The following ARID4B variants were observed in gnomAD, a reference collection of about 807,000 sequenced individuals.
ARID4B encodes the protein AT-rich interactive domain-containing protein 4B.
A neutral mutation model predicts 147.5 loss-of-function variants in ARID4B; 26 were observed. The observed-to-expected ratio is 0.18, with a 90% CI of 0.13 to 0.24. ARID4B has a LOEUF of 0.24. Among genes scored for constraint, ARID4B ranks in the 10% least tolerant of loss-of-function variants. The pLI is 1.00. For synonymous variants in ARID4B, 512 were observed against 507.9 expected, an observed-to-expected ratio of 1.01 and a Z score of -0.11; for missense variants, 1,179 against 1,511.5, an observed-to-expected ratio of 0.78 and a Z score of 3.65.
intron 19 of ARID4B, among the ~76,000 whole-genome samples, chr1:235,193,299 A>C (rs148230354): frequency 6.6e-6 from 1 of 152,116 alleles, no homozygotes; most frequent in East Asian, 1.9e-4. Context: ...TGGGAGGCTG[A>C]GGTGTGAGGA....
At position 235,326,679 on chromosome 1, in the gene ARID4B, AAG is replaced by A. The variant is rs904637509; in HGVS notation, c.6+233_6+234del. 243 of 546,200 alleles carry A rather than the reference AAG, an allele frequency of 4.4e-4. 1 individual carries two copies. The highest frequency in any genetic ancestry group is 4.2e-3 in the African/African-American group (223 of 52,566). 33.8% of individuals were successfully genotyped at this position (546,200 alleles called of 1,614,324 possible). On this transcript the variant is annotated intron_variant, in intron 2 of 23. Coordinates refer to ENST00000264183, the MANE Select transcript of ARID4B (RefSeq NM_016374.6). ...CGTTATTCCTCTCATTCCCTACAAA[AAG>A]AGATGTTCAATATGGGAGAATCATC...
At chr1:235,225,276 A>G (rs1380373610) in intron 11 of ARID4B, among the ~76,000 whole-genome samples, 4 of 152,214 alleles carry the variant, frequency 2.6e-5, no homozygotes, top group Non-Finnish European at 5.9e-5. Flanking sequence ...TATATACTTC[A>G]AGCTTACATA....
intron 22 of ARID4B, among the ~76,000 whole-genome samples, chr1:235,173,771 AATATATAT>A (rs1169414831): frequency 0.066 from 2,118 of 32,174 alleles, 81 homozygotes; most frequent in Middle Eastern, 0.12. Context: ...AAAAAAAAAA[AATATATAT>A]ATATATATAT....
chr1:235,308,119 GTCTTGCA>G (rs66742908), intron 2 of ARID4B, among the ~76,000 whole-genome samples: 38,100 of 129,330 alleles, frequency 0.29, 6,517 homozygotes, highest in South Asian at 0.54. Flanking sequence ...GGGGGACAGA[GTCTTGCA>G]TCTTGCTCTG....
intron 2 of ARID4B, among the ~76,000 whole-genome samples, chr1:235,319,554 A>G (rs938740063): frequency 6.6e-6 from 1 of 152,164 alleles, no homozygotes; most frequent in Non-Finnish European, 1.5e-5. Flanking sequence ...TATGTGAATT[A>G]TATCTCATTT....
intron 2 of ARID4B, among the ~76,000 whole-genome samples, chr1:235,279,440 C>T (rs1011800457): frequency 6.6e-6 from 1 of 152,040 alleles, no homozygotes; most frequent in African/African-American, 2.4e-5. Flanking sequence ...ATGTAACATA[C>T]ACACAAAATA....
At chr1:235,321,582 T>C (rs1674841232) in intron 2 of ARID4B, among the ~76,000 whole-genome samples, 1 of 152,026 alleles carries the variant, frequency 6.6e-6, no homozygotes, top group South Asian at 2.1e-4. Flanking sequence ...CTCGGCTCAC[T>C]GCAAGCTCCG....
chr1:235,257,728 G>A (rs895016049), intron 3 of ARID4B, among the ~76,000 whole-genome samples: 10 of 152,096 alleles, frequency 6.6e-5, no homozygotes, highest in Admixed American at 3.3e-4. Flanking sequence ...TGATCCGCCC[G>A]CCTTGACCTA....
chr1:235,173,804 A>ATG (rs1663629893), intron 22 of ARID4B, among the ~76,000 whole-genome samples: 1 of 82,184 alleles, frequency 1.2e-5, no homozygotes, highest in African/African-American at 5.0e-5. Flanking sequence ...ATATATATAT[A>ATG]TATATATATG....
chr1:235,304,469 C>CTA (rs1423980658), intron 2 of ARID4B, among the ~76,000 whole-genome samples: 2 of 152,198 alleles, frequency 1.3e-5, no homozygotes, highest in Non-Finnish European at 2.9e-5. Context: ...TCATTATCTT[C>CTA]TATAGCAATC....
intron 2 of ARID4B, among the ~76,000 whole-genome samples, chr1:235,264,213 C>T (rs1230654747): frequency 1.3e-5 from 2 of 152,236 alleles, no homozygotes; most frequent in East Asian, 3.9e-4. Context: ...GAATCTTACA[C>T]ATAATTGTTT....
At chr1:235,243,255 T>C (rs1256714197) in intron 7 of ARID4B, among the ~76,000 whole-genome samples, 3 of 152,286 alleles carry the variant, frequency 2.0e-5, no homozygotes, top group South Asian at 2.1e-4. Flanking sequence ...GTGTAAACCA[T>C]ACTATTACAC....
intron 2 of ARID4B, among the ~76,000 whole-genome samples, chr1:235,267,183 C>T (rs1253331868): frequency 1.3e-5 from 2 of 152,078 alleles, no homozygotes; most frequent in African/African-American, 4.8e-5. Context: ...GAGGCTGAGG[C>T]GGGAGGATCG....
intron 21 of ARID4B, among the ~76,000 whole-genome samples, chr1:235,176,436 C>CA (rs1558168854): frequency 1.9e-4 from 7 of 36,518 alleles, no homozygotes; most frequent in Non-Finnish European, 2.9e-4. Flanking sequence ...AACAACATCA[C>CA]CAAAAAAAAA....
At chr1:235,318,276 A>C (rs184636144) in intron 2 of ARID4B, among the ~76,000 whole-genome samples, 2 of 147,060 alleles carry the variant, frequency 1.4e-5, no homozygotes, top group African/African-American at 5.0e-5. Flanking sequence ...TCCCAGGTTC[A>C]AGCAATTCTC....
In ARID4B at chr1:235,221,760, T is replaced by A. The variant is rs1320172045; in HGVS notation, c.1066-98A>T. On this transcript the variant is annotated intron_variant, in intron 13 of 23. Coordinates refer to ENST00000264183, the MANE Select transcript of ARID4B (RefSeq NM_016374.6). ...ATATATGAGTATATTTTTATATTTA[T>A]TGGTCCTAGACTCAAAAGAATTTTT... The A allele has an allele frequency of 2.5e-5, 13 of 530,032 alleles. No homozygotes were observed. The East Asian group carries it at 3.7e-4, about 15-fold the overall frequency. The allele number at this position is 530,032 out of a possible 1,614,324, so 32.8% of individuals were successfully genotyped here.
chr1:235,230,809 G>C (rs1270716382), intron 10 of ARID4B, among the ~76,000 whole-genome samples: 1 of 151,710 alleles, frequency 6.6e-6, no homozygotes, highest in Non-Finnish European at 1.5e-5. Context: ...TGTAGTCCCA[G>C]TTACTCGGGA....
chr1:235,279,342 T>C (rs1671525475), intron 2 of ARID4B, among the ~76,000 whole-genome samples: 1 of 152,150 alleles, frequency 6.6e-6, no homozygotes, highest in Non-Finnish European at 1.5e-5. Context: ...TGAGGTATTC[T>C]GGTAGGAATC....
chr1:235,312,157 G>A (rs574473866), intron 2 of ARID4B, among the ~76,000 whole-genome samples: 9 of 151,682 alleles, frequency 5.9e-5, no homozygotes, highest in East Asian at 2.0e-4. Flanking sequence ...GTGGTGGCGC[G>A]CACCTGTAGT....
Sources: gnomAD v4.1 joint callset for allele counts (sites outside exome capture counted in the v4.1 genomes callset) on GRCh38, gnomAD v4.1.1 for gene constraint, MANE v1.5 for transcripts, NCBI Gene and HGNC (gene_info 2026-07-23, HGNC 2026-07-21) for gene names.